The following GFOD1 variants were observed in gnomAD, a reference collection of about 807,000 sequenced individuals.
GFOD1 encodes the protein Gfo/Idh/MocA-like oxidoreductase domain containing 1.
Under a neutral mutation model 25.4 loss-of-function variants are expected in GFOD1, and 9 were observed. That is an observed-to-expected ratio of 0.35 (90% CI 0.21 to 0.62). GFOD1 has a LOEUF of 0.62. GFOD1 is among the 20% of genes least tolerant of loss of function. GFOD1 has a pLI of 0.72. For synonymous variants in GFOD1, 253 were observed against 245.6 expected (o/e 1.03, Z -0.28); for missense variants, 403 against 556.9 (o/e 0.72, Z 2.78).
rs1039759709 is a variant in GFOD1, at chr6:13,362,738, G to A, written c.*2005C>T. 5.9e-5 allele frequency: 9 copies of A among 152,210 alleles called. No individual in the cohort carries two copies. Among genetic ancestry groups the A allele is most frequent in the African/African-American group, 1.9e-4 (8 of 41,444 alleles). 9.4% of individuals were successfully genotyped at this position (152,210 alleles called of 1,614,324 possible). A position where few individuals can be genotyped will look rare whatever the true frequency, so the allele number is the denominator to read the frequency against. ...CCAGGAAGGCAGTACTTACTTCTCT[G>A]TTCTAGAAAATGCCCAGCATTCCCC... is the stretch of plus-strand genomic sequence containing the variant. On this transcript the variant is annotated 3_prime_UTR_variant, in exon 2 of 2. Transcript: ENST00000379287.
Position 13,471,906 on chromosome 6 carries a change from G to C in GFOD1, c.253+14732C>G, listed in dbSNP as rs141379779. 89 of 153,306 alleles carry C rather than the reference G, an allele frequency of 5.8e-4. 1 individual carries two copies. Among genetic ancestry groups the C allele is most frequent in the South Asian group, 2.7e-3 (13 of 4,866 alleles). 9.5% of individuals were successfully genotyped at this position (153,306 alleles called of 1,614,324 possible). Reference sequence around the variant, plus strand: ...TGTGGCTAGGACAACTGAGGAAACTGTATTAGTCTGTTTTCAAGCTGCTGA... The same window carrying C: ...TGTGGCTAGGACAACTGAGGAAACTCTATTAGTCTGTTTTCAAGCTGCTGA... On this transcript the variant is annotated intron_variant, in intron 1 of 1. Coordinates refer to ENST00000379287, the MANE Select transcript of GFOD1 (RefSeq NM_018988.4).
At chr6:13,384,094 G>A (rs1455502954) in intron 1 of GFOD1, among the ~76,000 whole-genome samples, 1 of 152,120 alleles carries the variant, frequency 6.6e-6, no homozygotes, top group Non-Finnish European at 1.5e-5. Flanking sequence ...GGGTATGGTG[G>A]CATGCGCCTA....
chr6:13,422,713 T>C (rs58379964), intron 1 of GFOD1, among the ~76,000 whole-genome samples: 7,655 of 152,246 alleles, frequency 0.05, 646 homozygotes, highest in African/African-American at 0.17. Flanking sequence ...AAGCCTGTGT[T>C]CACCCAGATA....
At chr6:13,437,920 T>A (rs1325398233) in intron 1 of GFOD1, among the ~76,000 whole-genome samples, 1 of 151,878 alleles carries the variant, frequency 6.6e-6, no homozygotes. Context: ...AATAAAATGC[T>A]GAGGGAGAAA....
rs150583770 is a variant in GFOD1 at position 13,414,301 on chromosome 6, G to A, written c.254-48639C>T. On this transcript the variant is annotated intron_variant, in intron 1 of 1. Coordinates refer to ENST00000379287, the MANE Select transcript of GFOD1 (RefSeq NM_018988.4). ...GGAGATGACTTGAGATGGCAGTGCA[G>A]TCACACTGGCAGGAGAGCCAGGCTT... Among the ~76,000 whole-genome samples, 1,338 of 152,370 alleles carry A rather than the reference G, an allele frequency of 8.8e-3. 75 individuals are homozygous for A. Among genetic ancestry groups the A allele is most frequent in the Admixed American group, 0.081 (1,235 of 15,304 alleles).
intron 1 of GFOD1, among the ~76,000 whole-genome samples, chr6:13,391,726 A>G (rs968186676): frequency 1.4e-4 from 21 of 152,276 alleles, no homozygotes; most frequent in Admixed American, 4.6e-4. Flanking sequence ...ACGTATCTGG[A>G]CAAGTAACTT....
intron 1 of GFOD1, among the ~76,000 whole-genome samples, chr6:13,410,577 GGAGAGAGAGAGAGA>G (rs10530261): frequency 0.011 from 1,374 of 128,156 alleles, 30 homozygotes; most frequent in African/African-American, 0.044. Context: ...AAGAAAGAAA[GGAGAGAGAGAGAGA>G]GAGAGAGAGA....
chr6:13,484,939 TTTGTACAAA>T (rs1305197323), intron 1 of GFOD1, among the ~76,000 whole-genome samples: 1 of 152,224 alleles, frequency 6.6e-6, no homozygotes, highest in East Asian at 1.9e-4. Context: ...AGGGACCAGT[TTTGTACAAA>T]TTGCACTAAT....
chr6:13,377,662 G>A (rs547550601), intron 1 of GFOD1, among the ~76,000 whole-genome samples: 50 of 152,132 alleles, frequency 3.3e-4, no homozygotes, highest in African/African-American at 8.7e-4. Flanking sequence ...CCTTTTTGCC[G>A]TAGAACTAAT....
At chr6:13,388,749 CA>C (rs935523246) in intron 1 of GFOD1, among the ~76,000 whole-genome samples, 8 of 152,258 alleles carry the variant, frequency 5.3e-5, no homozygotes, top group Admixed American at 5.2e-4. Context: ...CAACAAAAGC[CA>C]ACATTGACAA....
rs1757738188 is a variant in GFOD1, at chr6:13,430,907, T to C, written c.253+55731A>G. Among the ~76,000 whole-genome samples the C allele has an allele frequency of 6.6e-6, 1 of 152,196 alleles. No homozygotes were observed. The highest frequency in any genetic ancestry group is 2.1e-4 in the South Asian group (1 of 4,834). On this transcript the variant is annotated intron_variant, in intron 1 of 1. Transcript: ENST00000379287. This position sits in a 1 kb window ranked among gnomAD's most constrained non-coding sequence, Gnocchi z 4.1. ...CTTTTCAGGTAACCTTCTCCTGCCCTCTCTACAGTCCAGCCATCATACGAA... is the reference window on the plus strand; with the variant it reads ...CTTTTCAGGTAACCTTCTCCTGCCCCCTCTACAGTCCAGCCATCATACGAA...
chr6:13,370,562 C>G (rs1429228497), intron 1 of GFOD1, among the ~76,000 whole-genome samples: 1 of 152,062 alleles, frequency 6.6e-6, no homozygotes, highest in African/African-American at 2.4e-5. Context: ...TTCTGAAAAG[C>G]CCACTCTGAG....
chr6:13,404,995 T>C (rs1414998000), intron 1 of GFOD1, among the ~76,000 whole-genome samples: 2 of 152,224 alleles, frequency 1.3e-5, no homozygotes, highest in Non-Finnish European at 2.9e-5. Flanking sequence ...CCATTCTCTG[T>C]TGTCTATCCT....
intron 1 of GFOD1, among the ~76,000 whole-genome samples, chr6:13,449,050 G>A (rs564264171): frequency 6.6e-6 from 1 of 152,328 alleles, no homozygotes; most frequent in East Asian, 1.9e-4. Flanking sequence ...ACTTTGGGAG[G>A]CTGAGTTGGG....
At chr6:13,455,399 G>A (rs1024838813) in intron 1 of GFOD1, among the ~76,000 whole-genome samples, 13 of 152,184 alleles carry the variant, frequency 8.5e-5, no homozygotes, top group Admixed American at 5.2e-4. Flanking sequence ...GTCCCCAGCC[G>A]GGTGGCTACC....
rs1395468778 is a variant in GFOD1 at position 13,469,160 on chromosome 6, A to T, written c.253+17478T>A. The T allele has an allele frequency of 3.8e-6, 3 of 795,046 alleles. No individual in the cohort carries two copies. In the African/African-American group the frequency reaches 5.6e-5, roughly 15 times the overall value. The allele number at this position is 795,046 out of a possible 1,614,324, so 49.2% of individuals were successfully genotyped here. A position where few individuals can be genotyped will look rare whatever the true frequency, so the allele number is the denominator to read the frequency against. On this transcript the variant is annotated intron_variant, in intron 1 of 1. Transcript: ENST00000379287. ...GTGTCTCCTATTATGGCCCTCCAGA[A>T]CAGTAAAGAGGCCACTGGTCACATC...
intron 1 of GFOD1, among the ~76,000 whole-genome samples, chr6:13,390,825 A>AAGGAAGGAAGGAAGGAAGGAAGGAAGGG (rs1160486401): frequency 6.6e-6 from 1 of 151,770 alleles, no homozygotes; most frequent in East Asian, 1.9e-4. Flanking sequence ...GGAAGGAAGG[A>AAGGAAGGAAGGAAGGAAGGAAGGAAGGG]AGGATAATAA....
intron 1 of GFOD1, among the ~76,000 whole-genome samples, chr6:13,410,108 T>C (rs983895000): frequency 6.7e-6 from 1 of 149,334 alleles, no homozygotes; most frequent in African/African-American, 2.5e-5. Context: ...AAGCCCCAGA[T>C]GATGCACAAA....
chr6:13,393,841 G>A (rs1377997783), intron 1 of GFOD1, among the ~76,000 whole-genome samples: 12 of 144,282 alleles, frequency 8.3e-5, no homozygotes, highest in Non-Finnish European at 4.5e-5. Context: ...GTACAGTGGT[G>A]CGATCTCGGC....
Sources: allele counts gnomAD v4.1 joint callset (sites outside exome capture counted in the v4.1 genomes callset), GRCh38; gene constraint gnomAD v4.1.1; non-coding constraint Gnocchi (gnomAD v3.1); transcripts MANE v1.5; gene names NCBI Gene and HGNC (gene_info 2026-07-23, HGNC 2026-07-21).